Variants in CAST observed in about 807,000 individuals in gnomAD.
CAST encodes MIR583 host.
In CAST, 76 loss-of-function variants were observed where a neutral mutation model predicts 119.6. That is an observed-to-expected ratio of 0.64 (90% CI 0.53 to 0.77). CAST has a LOEUF of 0.77. Among genes scored for constraint, CAST ranks in the 30% least tolerant of loss-of-function variants. CAST has a pLI of 0.00. For synonymous variants in CAST, 319 were observed against 331.6 expected (o/e 0.96, Z 0.41); for missense variants, 953 against 946.5 (o/e 1.01, Z -0.09).
chr5:96,700,969 C>T (rs1234537606), intron 3 of CAST, among the ~76,000 whole-genome samples: 1 of 152,072 alleles, frequency 6.6e-6, no homozygotes, highest in East Asian at 1.9e-4. Flanking sequence ...CACTATTGCC[C>T]AGGCAGGAGT....
At chr5:96,459,515 G>T in the CAST span, among the ~76,000 whole-genome samples, 2 of 152,120 alleles carry the variant, frequency 1.3e-5, no homozygotes, top group African/African-American at 4.8e-5. Context: ...TTAGAAAAAA[G>T]TGGGCCATGA....
At chr5:96,304,526 T>C in the CAST span, among the ~76,000 whole-genome samples, 1 of 152,230 alleles carries the variant, frequency 6.6e-6, no homozygotes, top group Non-Finnish European at 1.5e-5. Flanking sequence ...TCTTTACCCA[T>C]GCCTATGTCT....
chr5:96,272,801 A>G, the CAST span, among the ~76,000 whole-genome samples: 117 of 152,334 alleles, frequency 7.7e-4, 1 homozygote, highest in East Asian at 8.3e-3. Flanking sequence ...GGATATTCCA[A>G]TCACACTGAT....
chr5:96,488,006 T>C, the CAST span, among the ~76,000 whole-genome samples: 3 of 152,334 alleles, frequency 2.0e-5, no homozygotes, highest in East Asian at 3.9e-4. Flanking sequence ...CTCATGGGAA[T>C]TTTATACAAT....
At position 96,746,424 on chromosome 5, in the gene CAST, C is replaced by T. The variant is rs78054235; in HGVS notation, c.1283C>T (p.Thr428Met). 1.8e-3 allele frequency: 2,915 copies of T among 1,589,652 alleles called. 56 individuals are homozygous for T. In the African/African-American group the frequency reaches 0.035, roughly 19 times the overall value. Residue 428 changes from threonine to methionine, a missense_variant and splice_region_variant, in exon 17 of 32, where the codon ACG becomes ATG. Thr to Met is a moderately conservative substitution (Grantham distance 81). Coordinates refer to ENST00000675179, the MANE Select transcript of CAST (RefSeq NM_001750.7). ...TCTGAGTACAGATTAAAACCAGCCA[C>T]GGTAAATTTTTAGCCACAGTGCATG... ...IPSEYRLKPA[T>M]DKDGKPLLPE...
At chr5:96,452,640 T>TAAAAAAAAAAAAAA in the CAST span, among the ~76,000 whole-genome samples, 5 of 90,134 alleles carry the variant, frequency 5.5e-5, 1 homozygote, top group Admixed American at 4.7e-4. Flanking sequence ...TAAAGTATAA[T>TAAAAAAAAAAAAAA]AAAAAAAAAA....
At chr5:96,428,606 A>G in the CAST span, among the ~76,000 whole-genome samples, 1 of 152,210 alleles carries the variant, frequency 6.6e-6, no homozygotes, top group Non-Finnish European at 1.5e-5. Flanking sequence ...AACTAGGATG[A>G]AAAGAGATCA....
the CAST span, among the ~76,000 whole-genome samples, chr5:96,284,815 T>A: frequency 1.3e-5 from 2 of 152,210 alleles, no homozygotes; most frequent in African/African-American, 4.8e-5. Context: ...TTGACAGCTA[T>A]AGTTTTAGAG....
intron 3 of CAST, among the ~76,000 whole-genome samples, chr5:96,721,098 A>C (rs1281845526): frequency 6.6e-6 from 1 of 152,104 alleles, no homozygotes; most frequent in African/African-American, 2.4e-5. Context: ...ATAGAGGGAA[A>C]ATCTGTCTTG....
At chr5:96,494,624 A>G in the CAST span, among the ~76,000 whole-genome samples, 3 of 152,204 alleles carry the variant, frequency 2.0e-5, no homozygotes, top group Non-Finnish European at 4.4e-5. Flanking sequence ...GAACTAGAAG[A>G]CCAACTTCAA....
chr5:96,669,627 T>C (rs933862455), intron 1 of CAST, among the ~76,000 whole-genome samples: 2 of 152,204 alleles, frequency 1.3e-5, no homozygotes, highest in African/African-American at 4.8e-5. Context: ...TGATACTCCA[T>C]TAATAGGGCA....
chr5:96,059,209 CAGGTTACGGAA>C, the CAST span, among the ~76,000 whole-genome samples: 31 of 152,064 alleles, frequency 2.0e-4, no homozygotes, highest in Non-Finnish European at 4.1e-4. Flanking sequence ...AAAACATAAC[CAGGTTACGGAA>C]GTGTGAGCTT....
chr5:96,374,414 A>G, the CAST span, among the ~76,000 whole-genome samples: 1 of 152,172 alleles, frequency 6.6e-6, no homozygotes, highest in South Asian at 2.1e-4. Flanking sequence ...AACTTTTGAC[A>G]TAGAGGAGGT....
rs1554067797 is a variant in CAST, at chr5:96,561,799, T to TTTTTGTTTTTTTG, written c.60+31923_60+31924insGTTTTTTTGTTTT. 2.7e-4 allele frequency among the ~76,000 whole-genome samples: 24 copies of TTTTTGTTTTTTTG among 89,482 alleles called. 1 individual carries two copies. The East Asian group carries it at 2.8e-3, about 11-fold the overall frequency. The allele number at this position is 89,482 out of a possible 152,430, so 58.7% of individuals were successfully genotyped here. A position where few individuals can be genotyped will look rare whatever the true frequency, so the allele number is the denominator to read the frequency against. On this transcript the variant is annotated intron_variant, in intron 1 of 11. Transcript: ENST00000505143. The stretch of plus-strand genomic sequence containing the variant: ...TATTATATATATGTTTTTTTTTGTT[T>TTTTTGTTTTTTTG]TTTTTTTTTTTGAGACGGAGTCTCG...
the CAST span, among the ~76,000 whole-genome samples, chr5:96,163,089 A>T: frequency 6.6e-6 from 1 of 151,730 alleles, no homozygotes; most frequent in Non-Finnish European, 1.5e-5. Context: ...GTTTATTCAG[A>T]TTTTCTGCTT....
chr5:95,994,612 A>T, the CAST span, among the ~76,000 whole-genome samples: 1 of 152,194 alleles, frequency 6.6e-6, no homozygotes, highest in African/African-American at 2.4e-5. Flanking sequence ...ACTGAATTTT[A>T]TGTTAAATTT....
At chr5:96,224,592 C>T in the CAST span, among the ~76,000 whole-genome samples, 4 of 152,026 alleles carry the variant, frequency 2.6e-5, no homozygotes, top group African/African-American at 7.3e-5. Flanking sequence ...CATAAGGATC[C>T]GATTCTCCCC....
intron 29 of CAST, 80 bp downstream of exon 29, chr5:96,768,079 T>TA: frequency 1.1e-6 from 1 of 924,258 alleles, no homozygotes; most frequent in Non-Finnish European, 1.8e-6. Flanking sequence ...ATTTATTGAT[T>TA]GATCTATCTA....
intron 1 of CAST, among the ~76,000 whole-genome samples, chr5:96,617,075 T>C (rs904278736): frequency 6.6e-6 from 1 of 152,180 alleles, no homozygotes; most frequent in African/African-American, 2.4e-5. Flanking sequence ...CTGGGACAGG[T>C]TGCTACTGTG....
Sources: allele counts gnomAD v4.1 joint callset (sites outside exome capture counted in the v4.1 genomes callset), GRCh38; gene constraint gnomAD v4.1.1; transcripts MANE v1.5; gene names NCBI Gene and HGNC (gene_info 2026-07-23, HGNC 2026-07-21).